GALNT17: variants seen among roughly 807,000 people sequenced by gnomAD.
The protein encoded by GALNT17 is UDP-GalNAc:polypeptide N-acetylgalactosaminyltransferase-like 3.
Under a neutral mutation model 63.7 loss-of-function variants are expected in GALNT17, and 29 were observed. The observed-to-expected ratio is 0.46, with a 90% CI of 0.34 to 0.62. GALNT17 has a LOEUF of 0.62. GALNT17 is among the 20% of genes least tolerant of loss of function. The pLI, the probability that GALNT17 is intolerant of heterozygous loss-of-function variation, is 0.01. For synonymous variants in GALNT17, 305 were observed against 318.3 expected (o/e 0.96, Z 0.45); for missense variants, 603 against 799.6 (o/e 0.75, Z 2.97).
intron 1 of GALNT17, among the ~76,000 whole-genome samples, chr7:71,184,803 A>G (rs17520733): frequency 0.33 from 50,003 of 152,124 alleles, 15,492 homozygotes; most frequent in African/African-American, 0.82. Flanking sequence ...GACTGTTAGA[A>G]CAGCACTAAA....
At position 71,323,473 on chromosome 7, in the gene GALNT17, AG is replaced by A. The variant is rs1342294505; in HGVS notation, c.239-12076del. Among the ~76,000 whole-genome samples, 5 of 152,342 alleles carry A rather than the reference AG, an allele frequency of 3.3e-5. No individual in the cohort carries two copies. The East Asian group carries it at 9.6e-4, about 29-fold the overall frequency. On this transcript the variant is annotated intron_variant, in intron 1 of 10. Coordinates refer to ENST00000333538, the MANE Select transcript of GALNT17 (RefSeq NM_022479.3). ...ACTCCATTCTCTTCCACCAAGCAGC[AG>A]CTGATACAATTGAACTCTTAAAATT...
intron 1 of GALNT17, among the ~76,000 whole-genome samples, chr7:71,266,462 C>G (rs1294456450): frequency 2.6e-5 from 4 of 152,170 alleles, no homozygotes; most frequent in African/African-American, 9.7e-5. Flanking sequence ...GTAAGGCGTG[C>G]TTACTTCCCT....
chr7:71,651,765 G>A (rs987238947), intron 6 of GALNT17, among the ~76,000 whole-genome samples: 4 of 152,182 alleles, frequency 2.6e-5, no homozygotes, highest in Admixed American at 6.5e-5. Flanking sequence ...AGGCTGGAGC[G>A]CAGTAGCACC....
intron 5 of GALNT17, among the ~76,000 whole-genome samples, chr7:71,482,871 C>T (rs1158984990): frequency 1.3e-5 from 2 of 152,144 alleles, no homozygotes; most frequent in Admixed American, 6.6e-5. Context: ...AGATCCTGCA[C>T]ATGCGTAGTT....
rs796656136 is a variant in GALNT17, at chr7:71,181,268, AGT to A, written c.238+48229_238+48230del. ...AGACTCGTCTTAAAAAAAAAAAAAA[AGT>A]AATGGCTTAAAACCGCAATTATTTG... On this transcript the variant is annotated intron_variant, in intron 1 of 10. Coordinates refer to ENST00000333538, the MANE Select transcript of GALNT17 (RefSeq NM_022479.3). Among the ~76,000 whole-genome samples, 228 of 142,326 alleles carry A rather than the reference AGT, an allele frequency of 1.6e-3. 1 individual carries two copies. The highest frequency in any genetic ancestry group is 5.4e-3 in the African/African-American group (193 of 36,030). The allele number at this position is 142,326 out of a possible 152,430, so 93.4% of individuals were successfully genotyped here. A position where few individuals can be genotyped will look rare whatever the true frequency, so the allele number is the denominator to read the frequency against.
chr7:71,483,777 T>TG (rs1357701428), intron 5 of GALNT17, among the ~76,000 whole-genome samples: 1 of 152,178 alleles, frequency 6.6e-6, no homozygotes, highest in Non-Finnish European at 1.5e-5. Flanking sequence ...TTGGACACTC[T>TG]GACAATAATC....
At position 71,712,217 on chromosome 7, in the gene GALNT17, G is replaced by A. The variant is rs1179119292; in HGVS notation, c.*71G>A. On this transcript the variant is annotated 3_prime_UTR_variant, in exon 11 of 11. Transcript: ENST00000333538. ...GCTCCCCCCAACATCTGGACCAGCT[G>A]CCCTGGCGGAGAGACAGCAAGGGGC... 1.3e-6 allele frequency: 2 copies of A among 1,561,800 alleles called. No individual in the cohort carries two copies. The highest frequency in any genetic ancestry group is 1.7e-6 in the Non-Finnish European group (2 of 1,155,624).
chr7:71,572,521 A>AAG (rs1789464031), intron 6 of GALNT17, among the ~76,000 whole-genome samples: 1 of 148,862 alleles, frequency 6.7e-6, no homozygotes, highest in Admixed American at 6.7e-5. Context: ...AAAAAAAAAA[A>AAG]AAAAAAAAAC....
chr7:71,249,201 G>T (rs917605220), intron 1 of GALNT17, among the ~76,000 whole-genome samples: 6 of 152,160 alleles, frequency 3.9e-5, no homozygotes, highest in African/African-American at 1.4e-4. Flanking sequence ...ATCTGTTTCA[G>T]ATTTCCTTTC....
At chr7:71,343,522 C>T (rs1471083234) in intron 2 of GALNT17, among the ~76,000 whole-genome samples, 1 of 152,140 alleles carries the variant, frequency 6.6e-6, no homozygotes, top group Non-Finnish European at 1.5e-5. Context: ...TGTTTTAATT[C>T]CGTGACTATT....
chr7:71,399,284 T>G (rs1252249791), intron 3 of GALNT17, among the ~76,000 whole-genome samples: 2 of 152,198 alleles, frequency 1.3e-5, no homozygotes, highest in African/African-American at 4.8e-5. Flanking sequence ...CCGATCAGTT[T>G]CTTTTCAAAT....
At chr7:71,268,050 A>G (rs1291793866) in intron 1 of GALNT17, among the ~76,000 whole-genome samples, 2 of 152,134 alleles carry the variant, frequency 1.3e-5, no homozygotes, top group East Asian at 1.9e-4. Flanking sequence ...TTTCAGAGGG[A>G]TGCTGGATGC....
chr7:71,173,883 C>G (rs1788588832), intron 1 of GALNT17, among the ~76,000 whole-genome samples: 1 of 152,118 alleles, frequency 6.6e-6, no homozygotes, highest in Admixed American at 6.5e-5. Context: ...CAGTACTTGG[C>G]ACAGAGTAAG....
At chr7:71,513,471 C>T (rs941422357) in intron 5 of GALNT17, among the ~76,000 whole-genome samples, 8 of 151,932 alleles carry the variant, frequency 5.3e-5, no homozygotes, top group South Asian at 4.2e-4. Context: ...CTGCAACCTC[C>T]GCCTCCCCAG....
intron 5 of GALNT17, among the ~76,000 whole-genome samples, chr7:71,421,483 ACT>A (rs1440067573): frequency 5.9e-5 from 9 of 151,966 alleles, no homozygotes; most frequent in Non-Finnish European, 1.3e-4. Context: ...TCATGTTTGC[ACT>A]CTTTTTCATG....
intron 3 of GALNT17, among the ~76,000 whole-genome samples, chr7:71,407,164 T>C (rs568078084): frequency 4.1e-4 from 63 of 152,268 alleles, no homozygotes; most frequent in African/African-American, 1.3e-3. Context: ...CCACATCCAG[T>C]CTTGAAGAGC....
intron 1 of GALNT17, among the ~76,000 whole-genome samples, chr7:71,259,369 G>A (rs1010913329): frequency 1.3e-5 from 2 of 152,150 alleles, no homozygotes; most frequent in Non-Finnish European, 2.9e-5. Context: ...TCTACTTGAA[G>A]GCAAGAGAAA....
At chr7:71,190,567 C>T (rs1233457632) in intron 1 of GALNT17, among the ~76,000 whole-genome samples, 1 of 152,004 alleles carries the variant, frequency 6.6e-6, no homozygotes, top group Non-Finnish European at 1.5e-5. Context: ...CATAAATTAC[C>T]CAGTCTCGGG....
At chr7:71,491,009 T>C (rs997660627) in intron 5 of GALNT17, among the ~76,000 whole-genome samples, 1 of 151,804 alleles carries the variant, frequency 6.6e-6, no homozygotes, top group African/African-American at 2.4e-5. Flanking sequence ...GCCTGACCAA[T>C]ATGGAGAAAC....
Sources: allele counts gnomAD v4.1 joint callset (sites outside exome capture counted in the v4.1 genomes callset), GRCh38; gene constraint gnomAD v4.1.1; transcripts MANE v1.5; gene names NCBI Gene and HGNC (gene_info 2026-07-23, HGNC 2026-07-21).